The following CFAP251 variants were observed in gnomAD, a reference collection of about 807,000 sequenced individuals.
CFAP251 encodes the protein cilia and flagella associated protein 251.
CFAP251 carries 93 observed loss-of-function variants against 126.7 expected under a neutral mutation model. The observed-to-expected ratio is 0.73, with a 90% CI of 0.62 to 0.87. The LOEUF is 0.87. Among genes scored for constraint, CFAP251 ranks in the 40% least tolerant of loss-of-function variants. The pLI, the probability that CFAP251 is intolerant of heterozygous loss-of-function variation, is 0.00. For synonymous variants in CFAP251, 503 were observed against 506.9 expected (o/e 0.99, Z 0.10); for missense variants, 1,287 against 1,389.2 (o/e 0.93, Z 1.17).
intron 3 of CFAP251, among the ~76,000 whole-genome samples, chr12:121,924,753 G>T (rs752564849): frequency 1.3e-5 from 2 of 152,190 alleles, no homozygotes; most frequent in East Asian, 3.9e-4. Context: ...TTTAAAGTTC[G>T]GTTAAGAGCT....
Position 121,966,960 on chromosome 12 carries a change from C to T in CFAP251, c.2498C>T (p.Thr833Met), listed in dbSNP as rs371603715. 1.0e-4 allele frequency: 168 copies of T among 1,613,520 alleles called. No individual in the cohort carries two copies. The highest frequency in any genetic ancestry group is 1.3e-4 in the Non-Finnish European group (159 of 1,179,786). Reference protein sequence around the residue: ...FNATTKMCRKTLLGPAYGSPI... With the variant: ...FNATTKMCRKMLLGPAYGSPI... ...CTTTCTCTTTTTGCCTTCAGAAAGACGCTTCTGGGGCCAGCTTATGGTTCC... is the reference window on the plus strand; with the variant it reads ...CTTTCTCTTTTTGCCTTCAGAAAGATGCTTCTGGGGCCAGCTTATGGTTCC... Residue 833 changes from threonine (T) to methionine (M), a missense_variant, in exon 16 of 22, where the codon ACG becomes ATG. By Grantham distance (81) the Thr-to-Met change is moderately conservative. Coordinates refer to ENST00000288912, the MANE Select transcript of CFAP251 (RefSeq NM_144668.6).
intron 19 of CFAP251, among the ~76,000 whole-genome samples, chr12:121,990,680 G>A (rs577759776): frequency 3.3e-5 from 5 of 152,224 alleles, no homozygotes; most frequent in East Asian, 1.9e-4. Context: ...CTAGAGCCAC[G>A]GTAGCCAACC....
At chr12:121,971,750 C>G (rs146433610) in intron 17 of CFAP251, 1 of 631,582 alleles carries the variant, frequency 1.6e-6, no homozygotes, top group Non-Finnish European at 2.9e-6. Context: ...TGTCTCCAAT[C>G]TTTGTGATAT....
Position 121,999,903 on chromosome 12 carries a change from C to G in CFAP251, c.3194C>G (p.Ala1065Gly). Residue 1065 changes from alanine to glycine, a missense_variant, in exon 20 of 22, where the codon GCC becomes GGC. Coordinates refer to ENST00000288912, the MANE Select transcript of CFAP251 (RefSeq NM_144668.6). ...TATACCAACTCCAAAGGGAAAAAGG[C>G]CATTCGAAGAGAGGACTTCCTGAGA... The part of the protein sequence containing the change: ...LGYTNSKGKK[A>G]IRREDFLRLL... 1 of 1,613,968 alleles carries G rather than the reference C, an allele frequency of 6.2e-7. No homozygotes were observed. Among genetic ancestry groups the G allele is most frequent in the Non-Finnish European group, 8.5e-7 (1 of 1,179,846 alleles).
chr12:121,988,008 G>A (rs895563733), intron 19 of CFAP251, among the ~76,000 whole-genome samples: 4 of 151,806 alleles, frequency 2.6e-5, no homozygotes, highest in Admixed American at 2.0e-4. Flanking sequence ...TCCATTGTTA[G>A]AATTTTTCAT....
At chr12:121,951,255 A>G (rs1881513532) in intron 8 of CFAP251, 1 of 393,452 alleles carries the variant, frequency 2.5e-6, no homozygotes, top group East Asian at 3.7e-5. Flanking sequence ...CCATCTCAAG[A>G]AAAAAAAAGT....
chr12:121,919,456 A>G (rs2135738954), intron 1 of CFAP251, among the ~76,000 whole-genome samples: 1 of 152,332 alleles, frequency 6.6e-6, no homozygotes, highest in East Asian at 1.9e-4. Flanking sequence ...TTTTCTCTCA[A>G]ATAATAACAA....
At chr12:121,934,226 G>T in intron 4 of CFAP251, 21 bp from the exon 5 acceptor site, 1 of 1,604,196 alleles carries the variant, frequency 6.2e-7, no homozygotes, top group African/African-American at 1.3e-5. Context: ...GTTTCAAAGC[G>T]TTTTCTCTCC....
intron 5 of CFAP251, 62 bp downstream of exon 5, chr12:121,934,418 G>C: frequency 7.9e-7 from 1 of 1,265,344 alleles, no homozygotes; most frequent in Non-Finnish European, 1.1e-6. Flanking sequence ...GCCACTGTGT[G>C]ACAGTGACAG....
At position 121,974,812 on chromosome 12, in the gene CFAP251, A is replaced by G. The variant is rs972324495; in HGVS notation, c.2772-432A>G. Among the ~76,000 whole-genome samples, 2 of 152,084 alleles carry G rather than the reference A, an allele frequency of 1.3e-5. No individual in the cohort carries two copies. Among genetic ancestry groups the G allele is most frequent in the Admixed American group, 6.6e-5 (1 of 15,258 alleles). On this transcript the variant is annotated intron_variant, in intron 17 of 21. Coordinates refer to ENST00000288912, the MANE Select transcript of CFAP251 (RefSeq NM_144668.6). This position sits in a 1 kb window ranked among gnomAD's most constrained non-coding sequence, Gnocchi z 4.6. ...GGTCTCCTGAGTTTTTATGGAAGCA[A>G]TTAGTGTTGGCAGTTCACTTGTACA... is the stretch of plus-strand genomic sequence containing the variant.
In CFAP251 at chr12:121,958,279, A is replaced by G. The variant is rs772670907; in HGVS notation, c.1738A>G (p.Ile580Val). Residue 580 changes from isoleucine (I) to valine (V), a missense_variant, in exon 12 of 22, where the codon ATC (isoleucine) becomes GTC (valine). By Grantham distance (29) the Ile-to-Val change is conservative. Transcript: ENST00000288912. ...TCTCTCCTTGGCAAACAGGAATTTT[A>G]TCATTGGAACATCTGATGCCGCGGT... The part of the protein sequence containing the change: ...KGDLFVLRNF[I>V]IGTSDAAVYH... 18 of 1,613,932 alleles carry G rather than the reference A, an allele frequency of 1.1e-5. No homozygotes were observed. The South Asian group carries it at 1.4e-4, about 13-fold the overall frequency.
At position 121,941,940 on chromosome 12, in the gene CFAP251, C is replaced by T. The variant is rs184407593; in HGVS notation, c.999-594C>T. ...GTGCCCGATTCCCTGAGAGCTGGGA[C>T]GTTGTCCTAGTCATCTTTTCATATT... is the stretch of plus-strand genomic sequence containing the variant. On this transcript the variant is annotated intron_variant, in intron 5 of 21. Transcript: ENST00000288912. Among the ~76,000 whole-genome samples the T allele has an allele frequency of 2.4e-3, 367 of 152,244 alleles. 3 individuals are homozygous for T. The highest frequency in any genetic ancestry group is 8.6e-3 in the African/African-American group (357 of 41,544).
In CFAP251 at chr12:121,921,478, G is replaced by A. The variant is rs1445843380; in HGVS notation, c.173G>A (p.Gly58Asp). ...TCTCAGGAGGAGGAGAGGAAAACGG[G>A]CGAGGAGGAAGGGGAGGAGGAGGGG... Reference protein sequence around the residue: ...RESQEEERKTGEEEGEEEGKE... With the variant: ...RESQEEERKTDEEEGEEEGKE... The change falls in exon 2 of 22, where the codon GGC becomes GAC. Residue 58 changes from glycine to aspartate, a missense_variant. Coordinates refer to ENST00000288912, the MANE Select transcript of CFAP251 (RefSeq NM_144668.6). 2 of 542,160 alleles carry A rather than the reference G, an allele frequency of 3.7e-6. No individual in the cohort carries two copies. Among genetic ancestry groups the A allele is most frequent in the Non-Finnish European group, 2.9e-6 (1 of 344,142 alleles). The allele number at this position is 542,160 out of a possible 1,614,324, so 33.6% of individuals were successfully genotyped here.
chr12:121,997,278 A>G (rs1446554170), intron 19 of CFAP251: 1 of 152,042 alleles, frequency 6.6e-6, no homozygotes, highest in East Asian at 1.9e-4. Context: ...TTTTGTAGAG[A>G]CAGAGTTTCA....
chr12:121,985,972 G>A (rs566995608), intron 19 of CFAP251, among the ~76,000 whole-genome samples: 82 of 152,172 alleles, frequency 5.4e-4, no homozygotes, highest in African/African-American at 1.5e-3. Flanking sequence ...CCTGAGCAGC[G>A]TAGTGAGACC....
chr12:121,927,206 C>T (rs1447532638), intron 3 of CFAP251, among the ~76,000 whole-genome samples: 2 of 150,460 alleles, frequency 1.3e-5, no homozygotes, highest in African/African-American at 2.4e-5. Context: ...TTTTTTTTAC[C>T]GGTGAGATAA....
At chr12:121,930,254 C>T (rs904458037) in intron 3 of CFAP251, among the ~76,000 whole-genome samples, 4 of 151,918 alleles carry the variant, frequency 2.6e-5, no homozygotes, top group East Asian at 1.9e-4. Context: ...TTTGGGAGGC[C>T]GAGGCAGGCG....
chr12:121,924,272 G>T (rs2135744332), intron 3 of CFAP251, among the ~76,000 whole-genome samples: 1 of 152,046 alleles, frequency 6.6e-6, no homozygotes, highest in Non-Finnish European at 1.5e-5. Context: ...ACCACGCCTG[G>T]CTAATTTTTG....
chr12:121,921,584 G>A lies in CFAP251; in HGVS notation c.279G>A (p.Gln93=). 6.2e-7 allele frequency: 1 copy of A among 1,614,124 alleles called. No homozygotes were observed. Among genetic ancestry groups the A allele is most frequent in the Non-Finnish European group, 8.5e-7 (1 of 1,180,030 alleles). The part of the protein sequence containing the change: ...EVQEKEASGI[Q]EETTVEPQEV... ...AAGAGAAGGAGGCTTCAGGAATACAGGAAGAAACCACAGTAGAGCCCCAAG... is the reference window on the plus strand; with the variant it reads ...AAGAGAAGGAGGCTTCAGGAATACAAGAAGAAACCACAGTAGAGCCCCAAG... Residue 93 remains glutamine (Q), a synonymous_variant, in exon 2 of 22, where the codon CAG becomes CAA. Coordinates refer to ENST00000288912, the MANE Select transcript of CFAP251 (RefSeq NM_144668.6).
Sources: gnomAD v4.1 joint callset for allele counts (sites outside exome capture counted in the v4.1 genomes callset) on GRCh38, gnomAD v4.1.1 for gene constraint, Gnocchi (gnomAD v3.1) non-coding constraint, MANE v1.5 for transcripts, NCBI Gene and HGNC (gene_info 2026-07-23, HGNC 2026-07-21) for gene names.